The following FSTL1 variants were observed in gnomAD, a reference collection of about 807,000 sequenced individuals.
FSTL1 encodes follistatin like 1, also known as follistatin-related protein 1.
FSTL1 carries 24 observed loss-of-function variants against 45.9 expected under a neutral mutation model. That is an observed-to-expected ratio of 0.52 (90% confidence interval 0.38 to 0.74). FSTL1 has a LOEUF of 0.74. Among genes scored for constraint, FSTL1 ranks in the 30% least tolerant of loss-of-function variants. FSTL1 has a pLI of 0.00. For missense variants in FSTL1, 340 were observed against 381.8 expected (o/e 0.89, Z 0.91); for synonymous variants, 120 against 137.6 (o/e 0.87, Z 0.89).
chr3:120,447,718 G>A (rs1559746709), intron 2 of FSTL1, among the ~76,000 whole-genome samples: 1 of 152,078 alleles, frequency 6.6e-6, no homozygotes, highest in Non-Finnish European at 1.5e-5. Context: ...GCACCATCAC[G>A]GCTCACTGCA....
At chr3:120,409,235 G>C (rs529625640) in intron 6 of FSTL1, among the ~76,000 whole-genome samples, 1 of 152,206 alleles carries the variant, frequency 6.6e-6, no homozygotes, top group African/African-American at 2.4e-5. Context: ...GTGTCATGGC[G>C]AGTAGGGGAC....
chr3:120,416,499 T>A (rs1937189248), intron 2 of FSTL1, among the ~76,000 whole-genome samples: 1 of 152,056 alleles, frequency 6.6e-6, no homozygotes, highest in Admixed American at 6.6e-5. Context: ...AGGGTGAGAA[T>A]TTTTCAAAGG....
At chr3:120,449,797 A>G (rs1331069040) in intron 2 of FSTL1, among the ~76,000 whole-genome samples, 4 of 152,188 alleles carry the variant, frequency 2.6e-5, no homozygotes, top group Admixed American at 2.6e-4. Context: ...TTTCTTTTGT[A>G]ATGTGCATTC....
chr3:120,448,979 T>A (rs557332455), intron 2 of FSTL1, among the ~76,000 whole-genome samples: 1 of 152,298 alleles, frequency 6.6e-6, no homozygotes, highest in South Asian at 2.1e-4. Flanking sequence ...AACCAGGGAT[T>A]CACCTCATCC....
intron 2 of FSTL1, among the ~76,000 whole-genome samples, chr3:120,422,697 A>G (rs986486660): frequency 4.0e-5 from 6 of 150,386 alleles, no homozygotes; most frequent in Non-Finnish European, 8.9e-5. Flanking sequence ...GTCAATCAAT[A>G]ATTTTTTTTT....
chr3:120,407,693 C>G (rs953649617), intron 6 of FSTL1, among the ~76,000 whole-genome samples: 2 of 152,178 alleles, frequency 1.3e-5, no homozygotes, highest in Non-Finnish European at 2.9e-5. Flanking sequence ...TTGAAGACAG[C>G]AGCATGTAAG....
chr3:120,397,608 A>G (rs1936728005), intron 10 of FSTL1, among the ~76,000 whole-genome samples: 1 of 152,248 alleles, frequency 6.6e-6, no homozygotes, highest in Non-Finnish European at 1.5e-5. Flanking sequence ...AAAAATAGCA[A>G]TAACAAAACC....
chr3:120,417,447 T>A (rs1393041937), intron 2 of FSTL1, among the ~76,000 whole-genome samples: 1 of 152,200 alleles, frequency 6.6e-6, no homozygotes, highest in Non-Finnish European at 1.5e-5. Context: ...CTAGAAGCCG[T>A]TCTCAGCTCA....
chr3:120,403,437 A>C (rs1576207881), intron 7 of FSTL1, 83 bp from the exon 8 acceptor site: 24 of 793,834 alleles, frequency 3.0e-5, no homozygotes, highest in South Asian at 6.2e-5. Context: ...GACCACATAC[A>C]CCCAGGGCCT....
intron 3 of FSTL1, among the ~76,000 whole-genome samples, chr3:120,415,519 T>C (rs1937172207): frequency 6.6e-6 from 1 of 152,210 alleles, no homozygotes; most frequent in African/African-American, 2.4e-5. Flanking sequence ...AACCATTATG[T>C]CTACAGTAGC....
At chr3:120,428,535 C>T (rs756008320) in intron 2 of FSTL1, among the ~76,000 whole-genome samples, 114 of 152,174 alleles carry the variant, frequency 7.5e-4, no homozygotes, top group Non-Finnish European at 1.3e-3. Context: ...AAGTTTGAGA[C>T]CAGCCTGGCC....
At position 120,393,382 on chromosome 3, in the gene FSTL1, T is replaced by TGGCAGG. The variant is rs1435682651; in HGVS notation, c.*3564_*3569dup. On this transcript the variant is annotated 3_prime_UTR_variant, in exon 11 of 11. Coordinates refer to ENST00000295633, the MANE Select transcript of FSTL1 (RefSeq NM_007085.5). ...GGAGAGTGCATGATACATATGAAAATGGCAGGTTGGAAAGCGTTAGTCATG... is the reference window on the plus strand; with the variant it reads ...GGAGAGTGCATGATACATATGAAAATGGCAGGGGCAGGTTGGAAAGCGTTAGTCATG... 1 of 152,114 alleles carries TGGCAGG rather than the reference T, an allele frequency of 6.6e-6. No individual in the cohort carries two copies. 9.4% of individuals were successfully genotyped at this position (152,114 alleles called of 1,614,324 possible).
intron 4 of FSTL1, 64 bp downstream of exon 4, chr3:120,411,790 C>G: frequency 6.8e-7 from 1 of 1,480,374 alleles, no homozygotes. Context: ...AGCCAGGCCA[C>G]ACTGCTCTGT....
intron 2 of FSTL1, among the ~76,000 whole-genome samples, chr3:120,441,625 T>C (rs1301300501): frequency 6.6e-6 from 1 of 152,182 alleles, no homozygotes; most frequent in Non-Finnish European, 1.5e-5. Context: ...TGAACACACA[T>C]ATACACGTGC....
intron 4 of FSTL1, 97 bp downstream of exon 4, chr3:120,411,757 C>T (rs1937058116): frequency 6.5e-6 from 7 of 1,074,582 alleles, no homozygotes; most frequent in Admixed American, 3.9e-5. Flanking sequence ...AGGCTGTGGT[C>T]GTGGAGGAAA....
intron 6 of FSTL1, among the ~76,000 whole-genome samples, chr3:120,407,130 G>A (rs1280604904): frequency 1.3e-5 from 2 of 152,180 alleles, no homozygotes; most frequent in African/African-American, 4.8e-5. Flanking sequence ...AGCATTTGAG[G>A]TAACAAAACT....
chr3:120,424,412 CTAAG>C (rs1008107193), intron 2 of FSTL1, among the ~76,000 whole-genome samples: 11 of 152,308 alleles, frequency 7.2e-5, no homozygotes, highest in African/African-American at 2.2e-4. Context: ...CAATGCAGTC[CTAAG>C]TAATGGGGCC....
chr3:120,450,648 G>T, intron 2 of FSTL1, 36 bp downstream of exon 2: 1 of 1,475,980 alleles, frequency 6.8e-7, no homozygotes, highest in Non-Finnish European at 9.1e-7. Context: ...AAGAGGCCCC[G>T]GGGACCGAGT....
At chr3:120,412,036 G>GACACAC (rs112243174) in intron 3 of FSTL1, 53 bp from the exon 4 acceptor site, 12 of 1,425,872 alleles carry the variant, frequency 8.4e-6, no homozygotes, top group East Asian at 2.4e-5. Context: ...TCGACACACA[G>GACACAC]ACACACACAC....
Sources: allele counts gnomAD v4.1 joint callset (sites outside exome capture counted in the v4.1 genomes callset), GRCh38; gene constraint gnomAD v4.1.1; transcripts MANE v1.5; gene names NCBI Gene and HGNC (gene_info 2026-07-23, HGNC 2026-07-21).